KITLG: variants seen among roughly 807,000 people sequenced by gnomAD.
KITLG encodes c-Kit ligand.
In KITLG, 13 loss-of-function variants were observed where a neutral mutation model predicts 34.1. The ratio of observed to expected loss-of-function variants is 0.38; its 90% CI spans 0.25 to 0.61. KITLG has a LOEUF of 0.61. Ranked by LOEUF, KITLG falls within the 20% of genes least tolerant of loss-of-function variation. KITLG has a pLI of 0.60. For synonymous variants in KITLG, 110 were observed against 104.0 expected, an observed-to-expected ratio of 1.06 and a Z score of -0.35; for missense variants, 292 against 318.9, an observed-to-expected ratio of 0.92 and a Z score of 0.64.
intron 1 of KITLG, among the ~76,000 whole-genome samples, chr12:88,559,017 A>T (rs1167427077): frequency 6.6e-6 from 1 of 152,324 alleles, no homozygotes; most frequent in African/African-American, 2.4e-5. Flanking sequence ...AATCACCACT[A>T]AAGAACTTAC....
Position 88,506,686 on chromosome 12 carries a change from A to G in KITLG, c.715-308T>C, listed in dbSNP as rs190052095. 5.3e-5 allele frequency among the ~76,000 whole-genome samples: 8 copies of G among 152,332 alleles called. No homozygotes were observed. In the East Asian group the frequency reaches 1.5e-3, roughly 29 times the overall value. On this transcript the variant is annotated intron_variant, in intron 7 of 9. Transcript: ENST00000644744. ...ATTTTAAAATTTTAGACAGGCTTCA[A>G]TAAGAAGAGAACAAAAGAGTAGAAA...
intron 1 of KITLG, among the ~76,000 whole-genome samples, chr12:88,575,761 AAAGAT>A (rs1566038742): frequency 6.6e-6 from 1 of 152,214 alleles, no homozygotes; most frequent in Non-Finnish European, 1.5e-5. Context: ...TGCTAGAAAG[AAAGAT>A]AAAAGATCAC....
intron 2 of KITLG, among the ~76,000 whole-genome samples, chr12:88,533,169 A>T (rs550111206): frequency 6.6e-6 from 1 of 152,336 alleles, no homozygotes; most frequent in African/African-American, 2.4e-5. Context: ...TGAACATTTG[A>T]GAAGTCTCAA....
intron 1 of KITLG, among the ~76,000 whole-genome samples, chr12:88,548,568 A>G (rs1870793801): frequency 6.6e-6 from 1 of 152,170 alleles, no homozygotes; most frequent in Non-Finnish European, 1.5e-5. Flanking sequence ...TGTGGCAATG[A>G]TAGGTGATGT....
At chr12:88,512,712 A>G (rs1869320842) in intron 6 of KITLG, among the ~76,000 whole-genome samples, 1 of 151,874 alleles carries the variant, frequency 6.6e-6, no homozygotes, top group African/African-American at 2.4e-5. Context: ...TTTCAGAAAC[A>G]ATAACTGCAG....
chr12:88,553,446 T>A (rs534968945), intron 1 of KITLG, among the ~76,000 whole-genome samples: 1 of 152,308 alleles, frequency 6.6e-6, no homozygotes, highest in Non-Finnish European at 1.5e-5. Flanking sequence ...TCTATTTTTT[T>A]TTTCTGTTAA....
intron 6 of KITLG, among the ~76,000 whole-genome samples, chr12:88,512,947 A>G (rs1360852182): frequency 6.6e-6 from 1 of 151,886 alleles, no homozygotes; most frequent in Non-Finnish European, 1.5e-5. Context: ...TGGACTGACA[A>G]GAGGGAATGA....
At chr12:88,572,298 T>C (rs1871676014) in intron 1 of KITLG, among the ~76,000 whole-genome samples, 1 of 151,934 alleles carries the variant, frequency 6.6e-6, no homozygotes. Flanking sequence ...ATATAAGGAT[T>C]TGCTAGTATT....
Position 88,580,443 on chromosome 12 carries a change from T to G in KITLG, c.-165A>C. 1 of 840,556 alleles carries G rather than the reference T, an allele frequency of 1.2e-6. No homozygotes were observed. The highest frequency in any genetic ancestry group is 1.9e-6 in the Non-Finnish European group (1 of 525,976). 52.1% of individuals were successfully genotyped at this position (840,556 alleles called of 1,614,324 possible). On this transcript the variant is annotated 5_prime_UTR_variant, in exon 1 of 10. Transcript: ENST00000644744. ...CTGTCCCTGCTTCCCGCAGCGCTTC[T>G]AGTCTCGGCGCGAGGCGGCGAGCGA...
chr12:88,560,967 CAAAAAAAAAAAA>C (rs34851499), intron 1 of KITLG, among the ~76,000 whole-genome samples: 11 of 58,082 alleles, frequency 1.9e-4, no homozygotes, highest in South Asian at 9.6e-4. Context: ...GACTCTGTCT[CAAAAAAAAAAAA>C]AAAAAAAAAA....
chr12:88,523,453 T>C (rs759793721), intron 3 of KITLG, among the ~76,000 whole-genome samples: 2 of 152,210 alleles, frequency 1.3e-5, no homozygotes, highest in Non-Finnish European at 2.9e-5. Context: ...CTATGACCCA[T>C]GTGGTCTCAC....
chr12:88,559,560 A>G (rs905306027), intron 1 of KITLG, among the ~76,000 whole-genome samples: 16 of 152,186 alleles, frequency 1.1e-4, no homozygotes, highest in African/African-American at 3.9e-4. Flanking sequence ...CCAGGTTTCA[A>G]TCAGGCAGAG....
chr12:88,506,481 A>T (rs79819756), intron 7 of KITLG, 103 bp from the exon 8 acceptor site: 1 of 834,710 alleles, frequency 1.2e-6, no homozygotes, highest in Non-Finnish European at 2.1e-6. Flanking sequence ...AATAACTCCA[A>T]TAACAGTTTT....
intron 2 of KITLG, among the ~76,000 whole-genome samples, chr12:88,539,970 C>T (rs1408655760): frequency 1.3e-5 from 2 of 152,048 alleles, no homozygotes; most frequent in Admixed American, 1.3e-4. Context: ...GGTCATCGTT[C>T]CTCAGTAAAG....
At chr12:88,527,817 A>G (rs1171964326) in intron 3 of KITLG, among the ~76,000 whole-genome samples, 10 of 152,212 alleles carry the variant, frequency 6.6e-5, no homozygotes, top group Non-Finnish European at 1.5e-4. Context: ...CTTGAATTGC[A>G]TAAGCTCCAC....
At chr12:88,534,584 C>T in intron 2 of KITLG, 1 of 424,024 alleles carries the variant, frequency 2.4e-6, no homozygotes, top group Non-Finnish European at 4.5e-6. Context: ...CCAGTCTGGT[C>T]TCAAACTCCT....
chr12:88,568,855 G>A (rs1871545129), intron 1 of KITLG, among the ~76,000 whole-genome samples: 1 of 152,136 alleles, frequency 6.6e-6, no homozygotes. Flanking sequence ...AGAAAAAAGA[G>A]TGAGGAAACA....
intron 2 of KITLG, among the ~76,000 whole-genome samples, chr12:88,535,091 T>A (rs1465442413): frequency 6.6e-6 from 1 of 152,074 alleles, no homozygotes; most frequent in Non-Finnish European, 1.5e-5. Flanking sequence ...ATCAACTAGA[T>A]TAGTATTTAG....
intron 1 of KITLG, among the ~76,000 whole-genome samples, chr12:88,548,916 T>G (rs1870805709): frequency 6.6e-6 from 1 of 152,222 alleles, no homozygotes; most frequent in Non-Finnish European, 1.5e-5. Flanking sequence ...TGTACTCTTT[T>G]CTTTCCAGAG....
Sources: allele counts gnomAD v4.1 joint callset (sites outside exome capture counted in the v4.1 genomes callset), GRCh38; gene constraint gnomAD v4.1.1; transcripts MANE v1.5; gene names NCBI Gene and HGNC (gene_info 2026-07-23, HGNC 2026-07-21).